Variants in GYS2 observed in about 807,000 individuals in gnomAD.
GYS2 encodes the protein glycogen synthase 2.
GYS2 carries 80 observed loss-of-function variants against 85.6 expected under a neutral mutation model. That is an observed-to-expected ratio of 0.93 (90% CI 0.78 to 1.13). The LOEUF (loss-of-function observed/expected upper bound fraction) is 1.13. Ranked by LOEUF, GYS2 falls within the 50% of genes most tolerant of loss-of-function variation. GYS2 has a pLI of 0.00. For missense variants in GYS2, 881 were observed against 854.9 expected, an observed-to-expected ratio of 1.03 and a Z score of -0.38; for synonymous variants, 328 against 300.7, an observed-to-expected ratio of 1.09 and a Z score of -0.94.
intron 2 of GYS2, among the ~76,000 whole-genome samples, chr12:21,579,002 C>G (rs181433244): frequency 3.3e-5 from 5 of 152,102 alleles, no homozygotes; most frequent in Admixed American, 3.3e-4. Context: ...TTTCTTACCA[C>G]GTATTTATTC....
chr12:21,602,608 C>T (rs1944767028), intron 1 of GYS2, among the ~76,000 whole-genome samples: 1 of 151,770 alleles, frequency 6.6e-6, no homozygotes, highest in Non-Finnish European at 1.5e-5. Flanking sequence ...GGGGACCTCT[C>T]CACAAAAACA....
At position 21,575,962 on chromosome 12, in the gene GYS2, G is replaced by A. The variant is rs768453942; in HGVS notation, c.399C>T (p.Asp133=). 34 of 1,613,572 alleles carry A rather than the reference G, an allele frequency of 2.1e-5. No individual in the cohort carries two copies. Among genetic ancestry groups the A allele is most frequent in the Non-Finnish European group, 5.9e-6 (7 of 1,179,688 alleles). The part of the protein sequence containing the change: ...SAWNLDRWKG[D]LWEACSVGIP... ...TGCCGACACTGCATGCTTCCCAGAGGTCACCCTTCCACCTGTCCAGATTCC... is the reference window on the plus strand; with the variant it reads ...TGCCGACACTGCATGCTTCCCAGAGATCACCCTTCCACCTGTCCAGATTCC... The change falls in exon 3 of 16, where the codon GAC becomes GAT. Residue 133 remains aspartate, a synonymous_variant. Transcript: ENST00000261195.
At chr12:21,598,580 C>T (rs1321988024) in intron 1 of GYS2, among the ~76,000 whole-genome samples, 1 of 151,848 alleles carries the variant, frequency 6.6e-6, no homozygotes, top group Admixed American at 6.6e-5. Flanking sequence ...CACATTTTGC[C>T]CCAAACTTCT....
At chr12:21,568,071 C>CAA (rs111543876) in intron 5 of GYS2, among the ~76,000 whole-genome samples, 3 of 139,528 alleles carry the variant, frequency 2.2e-5, no homozygotes, top group African/African-American at 5.3e-5. Flanking sequence ...GACTCCATCT[C>CAA]AAAAAAAAAA....
chr12:21,545,957 A>C (rs1591779896), intron 12 of GYS2, among the ~76,000 whole-genome samples: 2 of 152,232 alleles, frequency 1.3e-5, no homozygotes, highest in African/African-American at 4.8e-5. Flanking sequence ...AAAGAACAAC[A>C]TTGCTAGACT....
In GYS2 at chr12:21,595,757, A is replaced by G. The variant is rs188227578; in HGVS notation, c.121+8715T>C. Among the ~76,000 whole-genome samples, 8 of 152,280 alleles carry G rather than the reference A, an allele frequency of 5.3e-5. No individual in the cohort carries two copies. The East Asian group carries it at 1.5e-3, about 29-fold the overall frequency. ...ACAGGAAAATATCACAATCTTAAAC[A>G]TATATGCACCTAACACTGGAGCTCC... On this transcript the variant is annotated intron_variant, in intron 1 of 15. Coordinates refer to ENST00000261195, the MANE Select transcript of GYS2 (RefSeq NM_021957.4).
At chr12:21,561,572 T>C (rs1439493699) in intron 7 of GYS2, among the ~76,000 whole-genome samples, 1 of 152,198 alleles carries the variant, frequency 6.6e-6, no homozygotes, top group Non-Finnish European at 1.5e-5. Flanking sequence ...AGTTATCTTT[T>C]ATGTCTAGTA....
chr12:21,586,621 T>C (rs1288765829), intron 1 of GYS2, among the ~76,000 whole-genome samples: 1 of 152,102 alleles, frequency 6.6e-6, no homozygotes, highest in Non-Finnish European at 1.5e-5. Context: ...AACCACCATA[T>C]GATACCTCCT....
chr12:21,603,374 C>T (rs1944774480), intron 1 of GYS2, among the ~76,000 whole-genome samples: 1 of 152,134 alleles, frequency 6.6e-6, no homozygotes. Context: ...CACACGAGAA[C>T]TTTGAACAGT....
At chr12:21,576,409 G>C (rs1237391689) in intron 2 of GYS2, among the ~76,000 whole-genome samples, 1 of 152,126 alleles carries the variant, frequency 6.6e-6, no homozygotes, top group Non-Finnish European at 1.5e-5. Flanking sequence ...GAAATGCTTT[G>C]TATCTCTGAA....
At chr12:21,571,123 A>G (rs1252104353) in intron 4 of GYS2, among the ~76,000 whole-genome samples, 1 of 152,226 alleles carries the variant, frequency 6.6e-6, no homozygotes, top group Non-Finnish European at 1.5e-5. Context: ...GTATGCACAA[A>G]TACAGAGGCA....
At position 21,558,465 on chromosome 12, in the gene GYS2, T is replaced by TGC. The variant is rs141155142; in HGVS notation, c.1309-153_1309-152insGC. 1.6e-3 allele frequency: 1,057 copies of TGC among 654,000 alleles called. 12 individuals carry two copies. The East Asian group carries it at 0.027, about 17-fold the overall frequency. The allele number at this position is 654,000 out of a possible 1,614,324, so 40.5% of individuals were successfully genotyped here. On this transcript the variant is annotated intron_variant, in intron 10 of 15. Transcript: ENST00000261195. ...ATGATGACTAAGTCTTGTGTGTGTG[T>TGC]CAAAGGAAGATATGGGTTGAAGAAT... is the stretch of plus-strand genomic sequence containing the variant.
intron 8 of GYS2, 98 bp downstream of exon 8, chr12:21,560,288 G>C (rs1944236553): frequency 1.3e-6 from 1 of 773,846 alleles, no homozygotes; most frequent in Non-Finnish European, 2.4e-6. Context: ...TAATCTTAAG[G>C]AAAAAACAAA....
intron 5 of GYS2, among the ~76,000 whole-genome samples, chr12:21,566,026 T>A (rs888556494): frequency 6.6e-6 from 1 of 152,204 alleles, no homozygotes; most frequent in Non-Finnish European, 1.5e-5. Context: ...CAGTTTTGTA[T>A]CTGTAATTGG....
chr12:21,596,618 C>G (rs1042108558), intron 1 of GYS2, among the ~76,000 whole-genome samples: 82 of 152,126 alleles, frequency 5.4e-4, no homozygotes, highest in African/African-American at 1.9e-3. Context: ...TAAAAGCCAT[C>G]TGTGACAAAC....
chr12:21,592,992 T>C (rs1342585966), intron 1 of GYS2, among the ~76,000 whole-genome samples: 2 of 151,868 alleles, frequency 1.3e-5, no homozygotes, highest in African/African-American at 4.8e-5. Flanking sequence ...TTAAAACCTA[T>C]ACAAATACAT....
At chr12:21,590,408 C>G (rs1190328413) in intron 1 of GYS2, among the ~76,000 whole-genome samples, 3 of 152,314 alleles carry the variant, frequency 2.0e-5, no homozygotes, top group Non-Finnish European at 4.4e-5. Flanking sequence ...CTCCCAGAAG[C>G]CTGATGATGG....
chr12:21,535,753 G>A (rs1365317875), downstream of GYS2, among the ~76,000 whole-genome samples: 1 of 152,080 alleles, frequency 6.6e-6, no homozygotes, highest in Non-Finnish European at 1.5e-5. Flanking sequence ...TTCAGAACAA[G>A]GCCAATTGAT....
intron 1 of GYS2, among the ~76,000 whole-genome samples, chr12:21,589,516 G>C (rs1372142346): frequency 6.6e-6 from 1 of 152,122 alleles, no homozygotes; most frequent in Non-Finnish European, 1.5e-5. Flanking sequence ...AAAATAGTAA[G>C]TAGAAAATCC....
Sources: allele counts gnomAD v4.1 joint callset (sites outside exome capture counted in the v4.1 genomes callset), GRCh38; gene constraint gnomAD v4.1.1; transcripts MANE v1.5; gene names NCBI Gene and HGNC (gene_info 2026-07-23, HGNC 2026-07-21).